Variants in MMP26 observed in about 807,000 individuals in gnomAD.
MMP26 encodes the protein matrix metallopeptidase 26.
Under a neutral mutation model 31.0 loss-of-function variants are expected in MMP26, and 33 were observed. The observed-to-expected ratio is 1.06, with a 90% CI of 0.81 to 1.42. The LOEUF (loss-of-function observed/expected upper bound fraction) is 1.42. Among genes scored for constraint, MMP26 ranks in the 40% most tolerant of loss-of-function variants. MMP26 has a pLI of 0.00. For synonymous variants in MMP26, 122 were observed against 114.9 expected, an observed-to-expected ratio of 1.06 and a Z score of -0.40; for missense variants, 347 against 316.1, an observed-to-expected ratio of 1.10 and a Z score of -0.74.
At chr11:4,709,333 A>G (rs1437937815) in intron 1 of MMP26, among the ~76,000 whole-genome samples, 1 of 152,142 alleles carries the variant, frequency 6.6e-6, no homozygotes, top group African/African-American at 2.4e-5. Flanking sequence ...ATATAATGGG[A>G]ATCTTGCTAA....
intron 1 of MMP26, among the ~76,000 whole-genome samples, chr11:4,707,855 C>T (rs558020324): frequency 5.3e-5 from 8 of 152,188 alleles, no homozygotes; most frequent in South Asian, 2.1e-4. Flanking sequence ...GCTCTGAGAT[C>T]GTAGGTCTGA....
chr11:4,848,209 T>C (rs370508098), intron 2 of MMP26: 17 of 1,571,680 alleles, frequency 1.1e-5, no homozygotes, highest in Middle Eastern at 1.7e-4. Context: ...AGGAGCCCTG[T>C]ACCACCAAAC....
chr11:4,757,123 GACAGTCAT>G (rs568154574), intron 1 of MMP26, among the ~76,000 whole-genome samples: 2 of 152,026 alleles, frequency 1.3e-5, no homozygotes, highest in Non-Finnish European at 2.9e-5. Flanking sequence ...ATAGCATGAG[GACAGTCAT>G]ACAGATTAAT....
chr11:4,771,343 A>G (rs1417831874), intron 2 of MMP26, among the ~76,000 whole-genome samples: 4 of 152,166 alleles, frequency 2.6e-5, no homozygotes, highest in African/African-American at 9.7e-5. Context: ...TCAAATATGT[A>G]AGTTTGTGGA....
chr11:4,794,290 C>T (rs1387124919), intron 2 of MMP26: 2 of 152,124 alleles, frequency 1.3e-5, no homozygotes. Context: ...CCTGTCCAAA[C>T]CCAAAGAATA....
At chr11:4,870,954 A>C (rs1850303176) in intron 2 of MMP26, among the ~76,000 whole-genome samples, 1 of 152,110 alleles carries the variant, frequency 6.6e-6, no homozygotes, top group Non-Finnish European at 1.5e-5. Flanking sequence ...TAGAGGAAAA[A>C]AGATCAAATA....
intron 1 of MMP26, among the ~76,000 whole-genome samples, chr11:4,751,635 A>T (rs1848447948): frequency 6.6e-6 from 1 of 152,138 alleles, no homozygotes; most frequent in Admixed American, 6.6e-5. Context: ...TTGTTGAGGA[A>T]ATTACCATAG....
At chr11:4,843,617 C>T (rs1279336398) in intron 2 of MMP26, among the ~76,000 whole-genome samples, 1 of 152,246 alleles carries the variant, frequency 6.6e-6, no homozygotes, top group African/African-American at 2.4e-5. Flanking sequence ...CCACTTCTCC[C>T]TCCTTGGCCT....
At chr11:4,804,070 A>C in intron 2 of MMP26, 1 of 1,614,084 alleles carries the variant, frequency 6.2e-7, no homozygotes, top group Non-Finnish European at 8.5e-7. Flanking sequence ...GATGAAGAAC[A>C]CCTGGATGAG....
At chr11:4,729,993 A>AT (rs1284424885) in intron 1 of MMP26, among the ~76,000 whole-genome samples, 1 of 151,668 alleles carries the variant, frequency 6.6e-6, no homozygotes, top group Non-Finnish European at 1.5e-5. Context: ...TACAGCCCTC[A>AT]TTTTTGTAGC....
At chr11:4,706,078 TGAA>T (rs950828367) in intron 1 of MMP26, among the ~76,000 whole-genome samples, 1 of 152,042 alleles carries the variant, frequency 6.6e-6, no homozygotes, top group African/African-American at 2.4e-5. Flanking sequence ...TTGCAGGAGT[TGAA>T]GAAAGATTCT....
intron 2 of MMP26, among the ~76,000 whole-genome samples, chr11:4,837,422 G>A (rs892550256): frequency 6.6e-6 from 1 of 152,014 alleles, no homozygotes; most frequent in Non-Finnish European, 1.5e-5. Flanking sequence ...ATGTTGTCCA[G>A]CCTGGTCTCA....
At chr11:4,853,311 T>C (rs1412019302) in intron 2 of MMP26, among the ~76,000 whole-genome samples, 5 of 152,140 alleles carry the variant, frequency 3.3e-5, no homozygotes, top group African/African-American at 1.2e-4. Flanking sequence ...TTTCACAAGG[T>C]ATACATATAT....
At chr11:4,804,016 G>A in intron 2 of MMP26, 1 of 1,613,946 alleles carries the variant, frequency 6.2e-7, no homozygotes, top group South Asian at 1.1e-5. Context: ...GCAGTCCAGG[G>A]CCATAGCCAT....
At chr11:4,913,199 A>C (rs1044049782) in intron 2 of MMP26, 1 of 152,142 alleles carries the variant, frequency 6.6e-6, no homozygotes, top group African/African-American at 2.4e-5. Context: ...GGGGTTGATG[A>C]TATCATTGCA....
At chr11:4,789,207 T>C (rs1258237076) in intron 2 of MMP26, among the ~76,000 whole-genome samples, 8 of 152,240 alleles carry the variant, frequency 5.3e-5, no homozygotes, top group Non-Finnish European at 1.2e-4. Context: ...TGTGTTTCTA[T>C]GTGGCATTTT....
intron 2 of MMP26, among the ~76,000 whole-genome samples, chr11:4,967,335 G>A (rs1846610088): frequency 6.6e-6 from 1 of 152,190 alleles, no homozygotes. Flanking sequence ...AATTATTTAT[G>A]TAAGTGCAGC....
intron 2 of MMP26, among the ~76,000 whole-genome samples, chr11:4,900,078 T>A (rs1308216544): frequency 6.6e-6 from 1 of 152,168 alleles, no homozygotes; most frequent in Non-Finnish European, 1.5e-5. Flanking sequence ...ATGTCGTCTC[T>A]AAGGTGGAGA....
At chr11:4,858,885 C>T (rs61880566) in intron 2 of MMP26, among the ~76,000 whole-genome samples, 25,288 of 152,028 alleles carry the variant, frequency 0.17, 2,577 homozygotes, top group South Asian at 0.24. Flanking sequence ...TCTAGACCAA[C>T]GGAACAGAAC....
Sources: gnomAD v4.1 joint callset for allele counts (sites outside exome capture counted in the v4.1 genomes callset) on GRCh38, gnomAD v4.1.1 for gene constraint, MANE v1.5 for transcripts, NCBI Gene and HGNC (gene_info 2026-07-23, HGNC 2026-07-21) for gene names.